RERE: variants seen among roughly 807,000 people sequenced by gnomAD.
The protein encoded by RERE is arginine-glutamic acid dipeptide repeats.
Under a neutral mutation model 146.1 loss-of-function variants are expected in RERE, and 40 were observed. The ratio of observed to expected loss-of-function variants is 0.27; its 90% CI spans 0.21 to 0.36. RERE has a LOEUF of 0.36. Ranked by LOEUF, RERE falls within the 10% of genes least tolerant of loss-of-function variation. The pLI is 1.00. For synonymous variants in RERE, 1,003 were observed against 866.0 expected (o/e 1.16, Z -2.78); for missense variants, 1,933 against 2,138.7 (o/e 0.90, Z 1.90).
At chr1:8,612,896 C>T (rs765170025) in intron 4 of RERE, among the ~76,000 whole-genome samples, 2 of 152,230 alleles carry the variant, frequency 1.3e-5, no homozygotes, top group Non-Finnish European at 2.9e-5. Context: ...CTATACTACA[C>T]TGGGTTCTGT....
intron 11 of RERE, among the ~76,000 whole-genome samples, chr1:8,457,874 T>C (rs1644471315): frequency 6.6e-6 from 1 of 152,162 alleles, no homozygotes; most frequent in Admixed American, 6.5e-5. Context: ...GTGCTGGGAT[T>C]ACAAGCATGA....
Position 8,495,275 on chromosome 1 carries a change from G to A in RERE, c.1005-113C>T, listed in dbSNP as rs1377793041. 2.5e-5 allele frequency: 18 copies of A among 729,778 alleles called. 1 individual carries two copies. Among genetic ancestry groups the A allele is most frequent in the East Asian group, 1.9e-4 (7 of 36,522 alleles). The allele number at this position is 729,778 out of a possible 1,614,324, so 45.2% of individuals were successfully genotyped here. On this transcript the variant is annotated intron_variant, in intron 9 of 22. Coordinates refer to ENST00000400908, the MANE Select transcript of RERE (RefSeq NM_001042681.2). ...CCCAGAACAAATTCCATTACTACAC[G>A]CATGATGAACCAGTTCCCAGCTCTG...
intron 1 of RERE, among the ~76,000 whole-genome samples, chr1:8,691,994 C>CT (rs1639217285): frequency 6.6e-6 from 1 of 152,142 alleles, no homozygotes; most frequent in Non-Finnish European, 1.5e-5. Flanking sequence ...TTCTGCATTT[C>CT]TGAGTTCCTT....
chr1:8,470,813 CTTTTT>C (rs71580028), intron 10 of RERE, among the ~76,000 whole-genome samples: 10 of 74,566 alleles, frequency 1.3e-4, no homozygotes, highest in Non-Finnish European at 1.8e-4. Flanking sequence ...AAAGAAATAC[CTTTTT>C]TTTTTTTTTT....
chr1:8,504,078 T>C (rs570111690), intron 8 of RERE, among the ~76,000 whole-genome samples: 5 of 152,352 alleles, frequency 3.3e-5, no homozygotes, highest in African/African-American at 1.2e-4. Context: ...GTATTTTATC[T>C]TTAAGAAAGT....
chr1:8,541,702 T>C (rs879408335), intron 6 of RERE, among the ~76,000 whole-genome samples: 1 of 152,212 alleles, frequency 6.6e-6, no homozygotes, highest in Admixed American at 6.5e-5. Flanking sequence ...TCCTACTATA[T>C]TATGATAGGC....
At chr1:8,519,051 T>C (rs958655864) in intron 7 of RERE, among the ~76,000 whole-genome samples, 1 of 152,182 alleles carries the variant, frequency 6.6e-6, no homozygotes, top group African/African-American at 2.4e-5. Flanking sequence ...GGAAAGAGCA[T>C]GGTCTTCAGA....
chr1:8,601,671 CAT>C (rs70982799), intron 4 of RERE, among the ~76,000 whole-genome samples: 29 of 132,750 alleles, frequency 2.2e-4, no homozygotes, highest in African/African-American at 8.2e-4. Flanking sequence ...CACACACACA[CAT>C]CTTCCTTCCA....
At chr1:8,650,653 C>T (rs1047905161) in intron 2 of RERE, among the ~76,000 whole-genome samples, 3 of 151,982 alleles carry the variant, frequency 2.0e-5, no homozygotes, top group Non-Finnish European at 4.4e-5. Flanking sequence ...AATCCCAGCA[C>T]TTTAGGAGGC....
At chr1:8,538,576 A>G (rs1645757068) in intron 7 of RERE, among the ~76,000 whole-genome samples, 1 of 152,246 alleles carries the variant, frequency 6.6e-6, no homozygotes, top group South Asian at 2.1e-4. Context: ...CCAAGGCAGT[A>G]GGCTGCATTA....
At chr1:8,375,632 A>AGCAGCCACTGAAAATGCTTCCTCT (rs1221951173) in intron 12 of RERE, among the ~76,000 whole-genome samples, 1 of 79,130 alleles carries the variant, frequency 1.3e-5, no homozygotes, top group Non-Finnish European at 2.7e-5. Context: ...ATGCTTCCTC[A>AGCAGCCACTGAAAATGCTTCCTCT]CTCAGCAGCC....
At chr1:8,546,895 G>T (rs1645869623) in intron 6 of RERE, among the ~76,000 whole-genome samples, 1 of 151,292 alleles carries the variant, frequency 6.6e-6, no homozygotes, top group South Asian at 2.1e-4. Flanking sequence ...TAGCTTAGGG[G>T]GAAAAAGTCC....
At chr1:8,575,137 T>C (rs1055733824) in intron 4 of RERE, among the ~76,000 whole-genome samples, 1 of 152,128 alleles carries the variant, frequency 6.6e-6, no homozygotes, top group Non-Finnish European at 1.5e-5. Context: ...TCAAAGAATG[T>C]GAAAGACACG....
chr1:8,608,592 A>T (rs1484525060), intron 4 of RERE, among the ~76,000 whole-genome samples: 1 of 152,212 alleles, frequency 6.6e-6, no homozygotes, highest in Non-Finnish European at 1.5e-5. Context: ...AATAAAGAGC[A>T]ATGCACTATC....
chr1:8,796,306 T>C (rs1267216734), intron 1 of RERE, among the ~76,000 whole-genome samples: 1 of 152,208 alleles, frequency 6.6e-6, no homozygotes, highest in Admixed American at 6.6e-5. Context: ...AAATGCTATA[T>C]TCAAGCCACT....
intron 11 of RERE, among the ~76,000 whole-genome samples, chr1:8,453,319 G>A (rs1052721312): frequency 6.6e-6 from 1 of 152,174 alleles, no homozygotes; most frequent in African/African-American, 2.4e-5. Context: ...CAAAAATCCA[G>A]AGCCCACCCC....
chr1:8,576,216 G>GAA (rs76238175), intron 4 of RERE, among the ~76,000 whole-genome samples: 1 of 141,426 alleles, frequency 7.1e-6, no homozygotes. Context: ...TGGTTCTAGG[G>GAA]AAAAAAAAAA....
At chr1:8,638,973 C>T (rs1369972741) in intron 2 of RERE, among the ~76,000 whole-genome samples, 3 of 151,894 alleles carry the variant, frequency 2.0e-5, no homozygotes, top group African/African-American at 7.3e-5. Flanking sequence ...CAGGGTTTCA[C>T]CATGTTGGCC....
intron 11 of RERE, among the ~76,000 whole-genome samples, chr1:8,444,341 G>A (rs1315086894): frequency 2.0e-5 from 3 of 152,156 alleles, no homozygotes; most frequent in Non-Finnish European, 4.4e-5. Context: ...GAATGGGAAT[G>A]TTTATCCAAT....
Sources: allele counts gnomAD v4.1 joint callset (sites outside exome capture counted in the v4.1 genomes callset), GRCh38; gene constraint gnomAD v4.1.1; transcripts MANE v1.5; gene names NCBI Gene and HGNC (gene_info 2026-07-23, HGNC 2026-07-21).